C11orf65: variants seen among roughly 807,000 people sequenced by gnomAD.
C11orf65 encodes the protein protein MFI.
C11orf65 carries 38 observed loss-of-function variants against 35.3 expected under a neutral mutation model. The observed-to-expected ratio is 1.08, with a 90% CI of 0.83 to 1.41. C11orf65 has a LOEUF of 1.41. Ranked by LOEUF, C11orf65 falls within the 40% of genes most tolerant of loss-of-function variation. C11orf65 has a pLI of 0.00. For synonymous variants in C11orf65, 105 were observed against 114.4 expected (o/e 0.92, Z 0.53); for missense variants, 370 against 367.1 (o/e 1.01, Z -0.06).
chr11:108,408,495 G>A (rs1192933981), intron 3 of C11orf65, among the ~76,000 whole-genome samples: 1 of 151,592 alleles, frequency 6.6e-6, no homozygotes, highest in Admixed American at 6.6e-5. Flanking sequence ...GGCCAACATG[G>A]TGAAACCCTG....
At chr11:108,361,479 C>T (rs1390848322) in intron 2 of C11orf65, among the ~76,000 whole-genome samples, 27 of 151,914 alleles carry the variant, frequency 1.8e-4, no homozygotes, top group South Asian at 4.2e-4. Flanking sequence ...AAAAAGAGCC[C>T]GCATCGGCAA....
chr11:108,389,558 C>G (rs1034928711), intron 7 of C11orf65, among the ~76,000 whole-genome samples: 5 of 152,150 alleles, frequency 3.3e-5, no homozygotes, highest in African/African-American at 7.2e-5. Context: ...AAGGTATTTG[C>G]ATTTTTTTAA....
At chr11:108,327,429 C>T (rs2085783000), downstream of C11orf65, 1 of 502,012 alleles carries the variant, frequency 2.0e-6, no homozygotes. Flanking sequence ...GTGACTTGCT[C>T]CAATAATGGC....
At chr11:108,376,695 G>A (rs189661582) in intron 2 of C11orf65, among the ~76,000 whole-genome samples, 2 of 152,178 alleles carry the variant, frequency 1.3e-5, no homozygotes, top group African/African-American at 4.8e-5. Context: ...CCAGGAGCTG[G>A]TTTTTTGAAA....
Position 108,406,951 on chromosome 11 carries a change from G to C in C11orf65, c.241C>G (p.Pro81Ala), listed in dbSNP as rs147263442. The change falls in exon 5 of 9, where the codon CCT becomes GCT. Residue 81 changes from proline to alanine, a missense_variant. Coordinates refer to ENST00000393084, the MANE Select transcript of C11orf65 (RefSeq NM_152587.5). The stretch of plus-strand genomic sequence containing the variant: ...GTAAAAATCTTATAGTATATATCAG[G>C]TGGAAATTTAACCTGTAGAAGGAAA... ...RFRLGGVKFP[P>A]DIYYKIFTHR... 1 of 1,608,280 alleles carries C rather than the reference G, an allele frequency of 6.2e-7. No homozygotes were observed.
chr11:108,443,772 C>A (rs1021378115), intron 2 of C11orf65, among the ~76,000 whole-genome samples: 2 of 151,854 alleles, frequency 1.3e-5, no homozygotes, highest in Admixed American at 6.6e-5. Flanking sequence ...TGAAACCAAC[C>A]AGAACAAAGA....
At chr11:108,327,617 A>C (rs772581558), downstream of C11orf65, 4 of 1,561,024 alleles carry the variant, frequency 2.6e-6, no homozygotes, top group Non-Finnish European at 2.6e-6. Context: ...AATGCATTAT[A>C]TTTTAAGATT....
intron 2 of C11orf65, among the ~76,000 whole-genome samples, chr11:108,354,440 A>G (rs1276236854): frequency 6.6e-6 from 1 of 152,202 alleles, no homozygotes; most frequent in Admixed American, 6.5e-5. Context: ...AAAGCTTTGC[A>G]GTTCCTTGTA....
chr11:108,414,364 C>T (rs2092701997), intron 3 of C11orf65, among the ~76,000 whole-genome samples: 1 of 151,068 alleles, frequency 6.6e-6, no homozygotes, highest in African/African-American at 2.4e-5. Context: ...AAAAAAGAAA[C>T]AAAATAGAGG....
chr11:108,441,054 G>C (rs1417121364), intron 2 of C11orf65, among the ~76,000 whole-genome samples: 2 of 152,278 alleles, frequency 1.3e-5, no homozygotes, highest in Middle Eastern at 3.4e-3. Context: ...AAGGGGTTGG[G>C]GAATTCCCTT....
intron 6 of C11orf65, among the ~76,000 whole-genome samples, chr11:108,325,062 A>T (rs1328250697): frequency 2.0e-5 from 3 of 151,904 alleles, no homozygotes; most frequent in Non-Finnish European, 2.9e-5. Flanking sequence ...AGTATTAAAA[A>T]TTTTTTTTGA....
chr11:108,338,245 G>A (rs540727857), intron 2 of C11orf65, among the ~76,000 whole-genome samples: 9 of 151,938 alleles, frequency 5.9e-5, no homozygotes, highest in Non-Finnish European at 1.2e-4. Flanking sequence ...CAGCTACTTG[G>A]GAGGCTGAGG....
rs143883445 is a variant in C11orf65, at chr11:108,404,969, C to T, written c.560+460G>A. On this transcript the variant is annotated intron_variant, in intron 6 of 8. Transcript: ENST00000393084. ...CCTCGGTAACAGACCGGGCCGAAGG[C>T]GGCCTGGTCCCATTAACTTTAGTTA... Among the ~76,000 whole-genome samples the T allele has an allele frequency of 6.0e-4, 91 of 152,274 alleles. 1 individual carries two copies. Among genetic ancestry groups the T allele is most frequent in the African/African-American group, 1.9e-3 (80 of 41,558 alleles).
At chr11:108,449,202 C>A (rs528280785) in intron 2 of C11orf65, among the ~76,000 whole-genome samples, 186 of 152,018 alleles carry the variant, frequency 1.2e-3, no homozygotes, top group African/African-American at 3.6e-3. Context: ...GAAAATGGCC[C>A]TACTGCCCAA....
At chr11:108,395,832 C>A (rs1358043314) in intron 6 of C11orf65, among the ~76,000 whole-genome samples, 1 of 142,642 alleles carries the variant, frequency 7.0e-6, no homozygotes, top group Non-Finnish European at 1.5e-5. Flanking sequence ...CGTGTGAGCC[C>A]GGATGGTCTC....
chr11:108,455,165 A>G (rs762982228), intron 2 of C11orf65, among the ~76,000 whole-genome samples: 1 of 152,158 alleles, frequency 6.6e-6, no homozygotes, highest in Non-Finnish European at 1.5e-5. Flanking sequence ...TGAAAAGTTA[A>G]AAGTTTCTTC....
chr11:108,385,409 G>A (rs61915104), intron 8 of C11orf65, among the ~76,000 whole-genome samples: 79,645 of 151,940 alleles, frequency 0.52, 21,753 homozygotes, highest in Middle Eastern at 0.73. Flanking sequence ...TTGGCTAGGC[G>A]TGGTGGCTCT....
chr11:108,450,490 T>C (rs2093331746), intron 2 of C11orf65, among the ~76,000 whole-genome samples: 3 of 151,226 alleles, frequency 2.0e-5, no homozygotes. Context: ...TGGATAAAAC[T>C]GGAAACCGTC....
intron 2 of C11orf65, among the ~76,000 whole-genome samples, chr11:108,357,957 C>T (rs1214831184): frequency 2.0e-5 from 3 of 150,132 alleles, no homozygotes; most frequent in South Asian, 2.1e-4. Context: ...ATGACTTTGA[C>T]GAGCTGAGAG....
Sources: allele counts gnomAD v4.1 joint callset (sites outside exome capture counted in the v4.1 genomes callset), GRCh38; gene constraint gnomAD v4.1.1; transcripts MANE v1.5; gene names NCBI Gene and HGNC (gene_info 2026-07-23, HGNC 2026-07-21).